The following PROX1 variants were observed in gnomAD, a reference collection of about 807,000 sequenced individuals.
PROX1 encodes the protein prospero homeobox 1, also known as prospero homeobox protein 1.
A neutral mutation model predicts 58.8 loss-of-function variants in PROX1; 7 were observed. The observed-to-expected ratio is 0.12, with a 90% CI of 0.07 to 0.22. The LOEUF (loss-of-function observed/expected upper bound fraction) is 0.22. Among genes scored for constraint, PROX1 ranks in the 10% least tolerant of loss-of-function variants. The pLI is 1.00. For missense variants in PROX1, 675 were observed against 927.8 expected, an observed-to-expected ratio of 0.73 and a Z score of 3.54; for synonymous variants, 350 against 358.3, an observed-to-expected ratio of 0.98 and a Z score of 0.26.
chr1:214,021,747 T>G (rs960534822), intron 4 of PROX1, among the ~76,000 whole-genome samples: 1 of 152,234 alleles, frequency 6.6e-6, no homozygotes, highest in African/African-American at 2.4e-5. Context: ...TAGTGCTTAT[T>G]GGTTAAAATG....
intron 4 of PROX1, among the ~76,000 whole-genome samples, chr1:214,014,045 C>T (rs979379956): frequency 5.9e-5 from 9 of 152,234 alleles, no homozygotes; most frequent in Non-Finnish European, 1.0e-4. Flanking sequence ...CTTTTAGCCT[C>T]TCGGTCTGGC....
intron 4 of PROX1, chr1:214,029,748 G>T (rs1027876598): frequency 6.6e-6 from 1 of 152,120 alleles, no homozygotes; most frequent in African/African-American, 2.4e-5. Context: ...GAATGCAGTT[G>T]ACTTGGAGGC....
chr1:214,033,973 G>A (rs1015875320), intron 4 of PROX1, among the ~76,000 whole-genome samples: 4 of 152,134 alleles, frequency 2.6e-5, no homozygotes, highest in Admixed American at 6.6e-5. Flanking sequence ...CGGACAAGGC[G>A]GCACTTTGAA....
chr1:214,006,489 G>C (rs1663717825), intron 3 of PROX1, among the ~76,000 whole-genome samples: 1 of 152,180 alleles, frequency 6.6e-6, no homozygotes, highest in Admixed American at 6.5e-5. Flanking sequence ...CAGCAAACTG[G>C]GCAAGATGGG....
chr1:213,987,386 G>A (rs1234232925), upstream of PROX1: 1 of 151,582 alleles, frequency 6.6e-6, no homozygotes, highest in Non-Finnish European at 1.5e-5. Flanking sequence ...TTAAAAAGTG[G>A]AATGATTTGC....
intron 4 of PROX1, chr1:214,030,867 C>T (rs993339379): frequency 1.3e-5 from 2 of 152,346 alleles, no homozygotes; most frequent in African/African-American, 4.8e-5. Flanking sequence ...CTATGTCAGG[C>T]TTTTATTATG....
chr1:214,002,578 C>A (rs1341587648), intron 2 of PROX1, among the ~76,000 whole-genome samples: 1 of 151,964 alleles, frequency 6.6e-6, no homozygotes, highest in Non-Finnish European at 1.5e-5. Context: ...TGCGTTCCAT[C>A]CCCCCTCACC....
chr1:214,001,446 C>T (rs1663507429), intron 2 of PROX1, among the ~76,000 whole-genome samples: 1 of 152,170 alleles, frequency 6.6e-6, no homozygotes, highest in Non-Finnish European at 1.5e-5. Context: ...GTCATTCATC[C>T]TCTTTGCATC....
Position 214,035,777 on chromosome 1 carries a change from T to G in PROX1, c.2157T>G (p.Ser719Arg). The G allele has an allele frequency of 6.2e-7, 1 of 1,614,028 alleles. No individual in the cohort carries two copies. Among genetic ancestry groups the G allele is most frequent in the Non-Finnish European group, 8.5e-7 (1 of 1,179,918 alleles). Residue 719 changes from serine (S) to arginine (R), a missense_variant, in exon 5 of 5, where the codon AGT (serine) becomes AGG (arginine). Ser to Arg is a moderately radical substitution (Grantham distance 110). This residue lies in a region of PROX1 where 16 missense variants were observed against 21.0 expected (regional missense o/e 0.76). Transcript: ENST00000366958. ...AIYKVICKLDSEVPEIFKSPN... is the reference protein window; with the variant it reads ...AIYKVICKLDREVPEIFKSPN... ...ACAAGGTCATCTGCAAGCTGGATAG[T>G]GAAGTCCCTGAGATTTTCAAATCCC...
Position 214,022,229 on chromosome 1 carries a change from G to A in PROX1, c.2028+10514G>A, listed in dbSNP as rs186518552. On this transcript the variant is annotated intron_variant, in intron 4 of 4. Coordinates refer to ENST00000366958, the MANE Select transcript of PROX1 (RefSeq NM_001270616.2). ...GAAACCCTGGCAAGTGTCTTACCCT[G>A]CCTGTACTTCAGTTTCCTTATCTGT... Among the ~76,000 whole-genome samples the A allele has an allele frequency of 5.9e-3, 900 of 152,284 alleles. 9 individuals carry two copies. Among genetic ancestry groups the A allele is most frequent in the Non-Finnish European group, 8.4e-3 (574 of 68,028 alleles).
intron 4 of PROX1, among the ~76,000 whole-genome samples, chr1:214,026,558 T>C (rs1664464288): frequency 6.6e-6 from 1 of 152,226 alleles, no homozygotes; most frequent in African/African-American, 2.4e-5. Context: ...TACCTGAAAG[T>C]CACAATTATT....
chr1:213,986,378 C>G (rs1662825858), upstream of PROX1: 1 of 152,142 alleles, frequency 6.6e-6, no homozygotes. Flanking sequence ...GTTTGAAATT[C>G]GTGCCAAAAG....
chr1:214,008,243 C>T (rs542753030), intron 3 of PROX1, among the ~76,000 whole-genome samples: 4 of 151,954 alleles, frequency 2.6e-5, no homozygotes, highest in South Asian at 2.1e-4. Flanking sequence ...TTAGTAGAGA[C>T]GGGGTTTCAC....
rs140484000 is a variant in PROX1 at position 214,016,135 on chromosome 1, C to T, written c.2028+4420C>T. 3.8e-3 allele frequency among the ~76,000 whole-genome samples: 575 copies of T among 152,122 alleles called. 3 individuals carry two copies. Among genetic ancestry groups the T allele is most frequent in the Non-Finnish European group, 6.8e-3 (463 of 68,004 alleles). ...ACATGACAGGGAAGAAGGGTACTTC[C>T]GCACACCTTTGAATGTGTTTTCTTA... On this transcript the variant is annotated intron_variant, in intron 4 of 4. Coordinates refer to ENST00000366958, the MANE Select transcript of PROX1 (RefSeq NM_001270616.2).
At chr1:214,020,998 C>T (rs1664260437) in intron 4 of PROX1, among the ~76,000 whole-genome samples, 1 of 152,158 alleles carries the variant, frequency 6.6e-6, no homozygotes, top group Admixed American at 6.5e-5. Context: ...ATGCATGTTG[C>T]AAATATTAGG....
intron 4 of PROX1, chr1:214,029,831 T>C (rs923559715): frequency 6.6e-6 from 1 of 152,158 alleles, no homozygotes; most frequent in African/African-American, 2.4e-5. Flanking sequence ...GAGTTATTTA[T>C]TTATTTGATT....
intron 4 of PROX1, among the ~76,000 whole-genome samples, chr1:214,017,312 A>G (rs1225251201): frequency 6.6e-6 from 1 of 152,274 alleles, no homozygotes; most frequent in East Asian, 1.9e-4. Context: ...GTGGAGTTCT[A>G]TGATCTATTT....
At chr1:214,002,439 G>A (rs986862037) in intron 2 of PROX1, among the ~76,000 whole-genome samples, 1 of 135,090 alleles carries the variant, frequency 7.4e-6, no homozygotes, top group Middle Eastern at 3.6e-3. Context: ...ACACCTGGCA[G>A]CTGTCTCAAG....
chr1:214,006,782 TG>T (rs541188246), intron 3 of PROX1, among the ~76,000 whole-genome samples: 103 of 152,306 alleles, frequency 6.8e-4, no homozygotes, highest in African/African-American at 2.4e-3. Context: ...TATGTGTGTG[TG>T]TGTGTCTGTG....
Sources: allele counts gnomAD v4.1 joint callset (sites outside exome capture counted in the v4.1 genomes callset), GRCh38; gene constraint gnomAD v4.1.1; regional missense constraint gnomAD v4.1.1; transcripts MANE v1.5; gene names NCBI Gene and HGNC (gene_info 2026-07-23, HGNC 2026-07-21).